Variants in SLC14A2 observed in about 807,000 individuals in gnomAD.
SLC14A2 encodes solute carrier family 14 member 2.
A neutral mutation model predicts 104.6 loss-of-function variants in SLC14A2; 91 were observed. The ratio of observed to expected loss-of-function variants is 0.87; its 90% CI spans 0.73 to 1.04. The LOEUF (loss-of-function observed/expected upper bound fraction) is 1.04. SLC14A2 is among the 50% of genes least tolerant of loss of function. The pLI, the probability that SLC14A2 is intolerant of heterozygous loss-of-function variation, is 0.00. For missense variants in SLC14A2, 1,189 were observed against 1,156.0 expected, an observed-to-expected ratio of 1.03 and a Z score of -0.41; for synonymous variants, 476 against 466.4, an observed-to-expected ratio of 1.02 and a Z score of -0.27.
chr18:45,501,810 T>G (rs2043203548), intron 2 of SLC14A2, among the ~76,000 whole-genome samples: 1 of 152,140 alleles, frequency 6.6e-6, no homozygotes, highest in Admixed American at 6.5e-5. Flanking sequence ...GTGGGGCAAG[T>G]GACTTCCGCT....
chr18:45,437,219 C>T (rs1282191331), intron 1 of SLC14A2, among the ~76,000 whole-genome samples: 1 of 152,166 alleles, frequency 6.6e-6, no homozygotes, highest in Non-Finnish European at 1.5e-5. Context: ...GGTTGGACTC[C>T]CAAATCTGTA....
At chr18:45,372,217 C>A (rs963684971) in intron 1 of SLC14A2, among the ~76,000 whole-genome samples, 1 of 152,046 alleles carries the variant, frequency 6.6e-6, no homozygotes, top group Non-Finnish European at 1.5e-5. Context: ...GAGCCTGAGG[C>A]AGGAGAATCG....
chr18:45,560,578 C>G (rs889571868), intron 2 of SLC14A2, among the ~76,000 whole-genome samples: 4 of 152,162 alleles, frequency 2.6e-5, no homozygotes, highest in African/African-American at 4.8e-5. Flanking sequence ...AAACAATCCC[C>G]TTGCATTCTA....
chr18:45,505,338 C>G (rs1394290803), intron 2 of SLC14A2, among the ~76,000 whole-genome samples: 1 of 152,110 alleles, frequency 6.6e-6, no homozygotes, highest in Non-Finnish European at 1.5e-5. Flanking sequence ...CTTTTTCCAC[C>G]AAGACTGCCT....
chr18:45,211,137 G>A (rs139206528), upstream of SLC14A2, among the ~76,000 whole-genome samples: 743 of 152,258 alleles, frequency 4.9e-3, 4 homozygotes, highest in Non-Finnish European at 6.4e-3. Context: ...TTTCTAGAAG[G>A]AGCTATTGTG....
chr18:45,650,871 C>T (rs1037633735), intron 10 of SLC14A2, among the ~76,000 whole-genome samples: 1 of 151,578 alleles, frequency 6.6e-6, no homozygotes, highest in Non-Finnish European at 1.5e-5. Context: ...TCTTGAGTAG[C>T]TGGCATTACA....
chr18:45,465,452 G>A (rs1450769668), intron 1 of SLC14A2, among the ~76,000 whole-genome samples: 1 of 152,216 alleles, frequency 6.6e-6, no homozygotes, highest in African/African-American at 2.4e-5. Context: ...ACAGGGCAGT[G>A]AAGGGCATGG....
At chr18:45,303,158 C>T (rs192446614) in intron 1 of SLC14A2, among the ~76,000 whole-genome samples, 1 of 152,166 alleles carries the variant, frequency 6.6e-6, no homozygotes. Flanking sequence ...AGCACAGCCA[C>T]GTGGTGGAGG....
At chr18:45,506,305 T>C (rs756834746) in intron 2 of SLC14A2, among the ~76,000 whole-genome samples, 15 of 152,112 alleles carry the variant, frequency 9.9e-5, no homozygotes, top group Non-Finnish European at 1.5e-4. Flanking sequence ...CACAGAGCCT[T>C]CTTCTAGTTG....
At chr18:45,658,768 G>A (rs1452383672) in intron 10 of SLC14A2, among the ~76,000 whole-genome samples, 1 of 152,018 alleles carries the variant, frequency 6.6e-6, no homozygotes, top group East Asian at 1.9e-4. Flanking sequence ...TTTCACCAGT[G>A]GGCACTTCTA....
At chr18:45,236,294 C>CATGTATGTGTGTATATGTGTATATATAT (rs2084244501) in intron 1 of SLC14A2, among the ~76,000 whole-genome samples, 3 of 25,900 alleles carry the variant, frequency 1.2e-4, no homozygotes, top group African/African-American at 2.4e-4. Flanking sequence ...TGTATATATA[C>CATGTATGTGTGTATATGTGTATATATAT]ATGTATGTGT....
chr18:45,401,509 G>C (rs2086095816), intron 1 of SLC14A2, among the ~76,000 whole-genome samples: 1 of 152,204 alleles, frequency 6.6e-6, no homozygotes, highest in Non-Finnish European at 1.5e-5. Context: ...TGAAGCTGAT[G>C]GCTGAGGATG....
intron 1 of SLC14A2, among the ~76,000 whole-genome samples, chr18:45,318,045 G>A (rs761852620): frequency 5.9e-5 from 9 of 152,184 alleles, no homozygotes; most frequent in Admixed American, 5.9e-4. Flanking sequence ...GCGGGAGCTA[G>A]GACCTGGGAA....
intron 1 of SLC14A2, among the ~76,000 whole-genome samples, chr18:45,417,285 T>C (rs537424308): frequency 4.1e-4 from 62 of 152,338 alleles, no homozygotes; most frequent in South Asian, 3.9e-3. Context: ...TTTTACCTTT[T>C]CTTTTTCAAC....
intron 1 of SLC14A2, among the ~76,000 whole-genome samples, chr18:45,295,387 T>C (rs1181278970): frequency 6.6e-6 from 1 of 152,144 alleles, no homozygotes; most frequent in Non-Finnish European, 1.5e-5. Context: ...CCACTTGCAG[T>C]TGCAGTTGTG....
At chr18:45,232,426 A>T (rs2084183730) in intron 1 of SLC14A2, among the ~76,000 whole-genome samples, 1 of 152,216 alleles carries the variant, frequency 6.6e-6, no homozygotes, top group Admixed American at 6.5e-5. Flanking sequence ...CAACATTGGG[A>T]ATTACAATTC....
intron 1 of SLC14A2, among the ~76,000 whole-genome samples, chr18:45,400,750 C>A (rs1202555392): frequency 1.3e-5 from 2 of 152,114 alleles, no homozygotes; most frequent in African/African-American, 4.8e-5. Context: ...TAGGTAAGAG[C>A]TTTATTTTCT....
chr18:45,401,982 A>C (rs949141501), intron 1 of SLC14A2, among the ~76,000 whole-genome samples: 2 of 152,222 alleles, frequency 1.3e-5, no homozygotes, highest in African/African-American at 4.8e-5. Context: ...CCAAAGACAA[A>C]GAACAAGGCT....
rs539522802 is a variant in SLC14A2 at position 45,604,951 on chromosome 18, G to T, written c.-34-19680G>T. ...CCTACCATTTTTGTATAAATTATTT[G>T]GGCTTCTATTAGTCTTCTTTGCAAG... On this transcript the variant is annotated intron_variant, in intron 2 of 20. Transcript: ENST00000586448. Among the ~76,000 whole-genome samples the T allele has an allele frequency of 2.0e-5, 3 of 152,182 alleles. No homozygotes were observed. In the South Asian group the frequency reaches 6.2e-4, roughly 32 times the overall value.
Sources: gnomAD v4.1 joint callset for allele counts (sites outside exome capture counted in the v4.1 genomes callset) on GRCh38, gnomAD v4.1.1 for gene constraint, MANE v1.5 for transcripts, NCBI Gene and HGNC (gene_info 2026-07-23, HGNC 2026-07-21) for gene names.